The following ZFYVE26 variants were observed in gnomAD, a reference collection of about 807,000 sequenced individuals.
The protein encoded by ZFYVE26 is zinc finger FYVE-type containing 26.
Under a neutral mutation model 276.5 loss-of-function variants are expected in ZFYVE26, and 181 were observed. That is an observed-to-expected ratio of 0.65 (90% CI 0.58 to 0.74). The LOEUF is 0.74. Among genes scored for constraint, ZFYVE26 ranks in the 30% least tolerant of loss-of-function variants. The probability of loss-of-function intolerance (pLI) is 0.00; values close to 1 mark genes in which losing one functional copy is unlikely to be tolerated. For synonymous variants in ZFYVE26, 1,129 were observed against 1,203.1 expected, an observed-to-expected ratio of 0.94 and a Z score of 1.27; for missense variants, 2,821 against 3,097.9, an observed-to-expected ratio of 0.91 and a Z score of 2.12.
intron 14 of ZFYVE26, among the ~76,000 whole-genome samples, chr14:67,793,211 C>T (rs1239238274): frequency 6.6e-5 from 10 of 152,186 alleles, no homozygotes; most frequent in South Asian, 2.1e-4. Context: ...GAGCAGAAAT[C>T]GTGCCACAGC....
At position 67,805,444 on chromosome 14, in the gene ZFYVE26, T is replaced by C; in HGVS notation, c.1182+10A>G. ...TTCCAGAGCAGCCTGGGATGCTGAG[T>C]GAGAGTTACCTGGGTCCTGTGCAGG... is the stretch of plus-strand genomic sequence containing the variant. On this transcript the variant is annotated intron_variant, in intron 7 of 41. Transcript: ENST00000347230. 6.2e-7 allele frequency: 1 copy of C among 1,614,040 alleles called. No homozygotes were observed. The highest frequency in any genetic ancestry group is 8.5e-7 in the Non-Finnish European group (1 of 1,180,014).
chr14:67,739,158 T>C (rs941710318), intron 13 of ZFYVE26, among the ~76,000 whole-genome samples: 2 of 152,218 alleles, frequency 1.3e-5, no homozygotes, highest in African/African-American at 2.4e-5. Flanking sequence ...GGCTTCCTCA[T>C]TGGTTAAAAC....
intron 35 of ZFYVE26, among the ~76,000 whole-genome samples, chr14:67,756,919 A>G (rs1286048189): frequency 6.6e-6 from 1 of 152,078 alleles, no homozygotes; most frequent in African/African-American, 2.4e-5. Context: ...CTACAACTAC[A>G]TTCCTGCTTG....
rs150637611 is a variant in ZFYVE26 at position 67,783,179 on chromosome 14, G to A, written c.3973C>T (p.Pro1325Ser). 5.0e-5 allele frequency: 81 copies of A among 1,609,952 alleles called. 2 individuals are homozygous for A. The highest frequency in any genetic ancestry group is 5.0e-4 in the Middle Eastern group (3 of 6,058). The change falls in exon 21 of 42, where the codon CCG becomes TCG. Residue 1325 changes from proline to serine, a missense_variant. By Grantham distance (74) the Pro-to-Ser change is moderately conservative (BLOSUM62 -1). Coordinates refer to ENST00000347230, the MANE Select transcript of ZFYVE26 (RefSeq NM_015346.4). ...LATVACLGASPRLKVSKPSLS... is the reference protein window; with the variant it reads ...LATVACLGASSRLKVSKPSLS... ...CTGGGTTTGCTGACCTTTAACCTCG[G>A]GGAAGCCCCCAGGCAGGCCACCGTA...
Position 67,752,440 on chromosome 14 carries a change from C to T in ZFYVE26, c.7275G>A (p.Leu2425=), listed in dbSNP as rs1371544581. The T allele has an allele frequency of 2.5e-6, 4 of 1,614,056 alleles. No homozygotes were observed. Among genetic ancestry groups the T allele is most frequent in the South Asian group, 2.2e-5 (2 of 91,016 alleles). The change falls in exon 40 of 42, where the codon CTG becomes CTA. Residue 2425 remains leucine, a synonymous_variant. Transcript: ENST00000347230. ...EKEKYSEIQQ[L]LKCVSESGMA... ...TGCCTGACTCACTGACACATTTGAG[C>T]AGTTGCTGGATCTCACTGTACTTCT...
chr14:67,778,803 G>A (rs910686743), intron 23 of ZFYVE26, among the ~76,000 whole-genome samples: 6 of 150,514 alleles, frequency 4.0e-5, no homozygotes, highest in African/African-American at 1.2e-4. Flanking sequence ...TTCCCACATG[G>A]TGGTGTCTGG....
chr14:67,783,475 A>T lies in ZFYVE26; in HGVS notation c.3677T>A (p.Val1226Asp), dbSNP rs1174123416. Residue 1226 changes from valine (V) to aspartate (D), a missense_variant, in exon 21 of 42, where the codon GTC becomes GAC. Transcript: ENST00000347230. ...GGGCTCACAGCAGCAGCTGACGATGACCTGTGGCACACTTAGGCTGAGATT... is the reference window on the plus strand; with the variant it reads ...GGGCTCACAGCAGCAGCTGACGATGTCCTGTGGCACACTTAGGCTGAGATT... ...QENLSLSVPQ[V>D]IVSCCCEPLA... 1.2e-6 allele frequency: 2 copies of T among 1,613,854 alleles called. No individual in the cohort carries two copies. The highest frequency in any genetic ancestry group is 2.2e-5 in the South Asian group (2 of 91,080).
rs777612795 is a variant in ZFYVE26 at position 67,762,383 on chromosome 14, G to T, written c.6189C>A (p.Thr2063=). 6.2e-7 allele frequency: 1 copy of T among 1,614,086 alleles called. No individual in the cohort carries two copies. The highest frequency in any genetic ancestry group is 2.2e-5 in the East Asian group (1 of 44,886). ...EVSTKTGLDT[T]GAWHAWGMAC... ...CCATGCCCCAAGCATGCCACGCCCCGGTGGTATCAAGCCCAGTCTTTGTGG... is the reference window on the plus strand; with the variant it reads ...CCATGCCCCAAGCATGCCACGCCCCTGTGGTATCAAGCCCAGTCTTTGTGG... The change falls in exon 34 of 42, where the codon ACC becomes ACA. Residue 2063 remains threonine (T), a synonymous_variant. Transcript: ENST00000347230.
Position 67,789,579 on chromosome 14 carries a change from G to A in ZFYVE26, c.2775C>T (p.Ile925=). 1.2e-6 allele frequency: 2 copies of A among 1,614,156 alleles called. No homozygotes were observed. The highest frequency in any genetic ancestry group is 1.7e-6 in the Non-Finnish European group (2 of 1,180,034). ...AAAAGMVFYS[I]SDVTDKLLNT... Reference sequence around the variant, plus strand: ...TGAGCAGCTTGTCAGTCACGTCAGAGATAGAGTAAAACACCATTCCTGGCC... The same window carrying A: ...TGAGCAGCTTGTCAGTCACGTCAGAAATAGAGTAAAACACCATTCCTGGCC... Residue 925 remains isoleucine (I), a synonymous_variant, in exon 16 of 42, where the codon ATC becomes ATT. Transcript: ENST00000347230.
intron 10 of ZFYVE26, chr14:67,798,955 G>T: frequency 8.8e-7 from 1 of 1,131,456 alleles, no homozygotes. Flanking sequence ...TTCTCGCGCC[G>T]CGGTTTCGGT....
chr14:67,800,783 C>T (rs545588131), intron 10 of ZFYVE26, among the ~76,000 whole-genome samples: 11 of 151,914 alleles, frequency 7.2e-5, no homozygotes, highest in African/African-American at 2.2e-4. Context: ...AAGGTAAAGT[C>T]GACACATTTT....
intron 32 of ZFYVE26, among the ~76,000 whole-genome samples, chr14:67,764,353 T>C (rs2039004885): frequency 6.6e-6 from 1 of 152,150 alleles, no homozygotes; most frequent in South Asian, 2.1e-4. Flanking sequence ...TTTTGCATAT[T>C]TGGGAAATGA....
chr14:67,778,310 C>G, intron 23 of ZFYVE26, 62 bp from the exon 24 acceptor site: 1 of 1,609,582 alleles, frequency 6.2e-7, no homozygotes, highest in Non-Finnish European at 8.5e-7. Context: ...TCTCAGCAGT[C>G]TTGAGTCTAC....
Position 67,729,387 on chromosome 14 carries a change from G to A in ZFYVE26, n.3112C>T. On this transcript the variant is annotated non_coding_transcript_exon_variant, in exon 14 of 15. Transcript: ENST00000394455. ...TGAGTGGCAAGTACTTCAGGTGTGT[G>A]AAGGCAATGCGGTTCTCTCCACCAC... The A allele has an allele frequency of 6.3e-7, 1 of 1,597,148 alleles. No homozygotes were observed. Among genetic ancestry groups the A allele is most frequent in the Non-Finnish European group, 8.5e-7 (1 of 1,179,650 alleles).
At chr14:67,804,451 C>G (rs1299325896) in intron 8 of ZFYVE26, among the ~76,000 whole-genome samples, 187 bp from the exon 9 acceptor site, 1 of 152,196 alleles carries the variant, frequency 6.6e-6, no homozygotes, top group Admixed American at 6.5e-5. Flanking sequence ...GGAAGTACAT[C>G]TATCAAACCA....
chr14:67,764,059 C>T (rs561999649), intron 32 of ZFYVE26, among the ~76,000 whole-genome samples: 1 of 152,268 alleles, frequency 6.6e-6, no homozygotes, highest in South Asian at 2.1e-4. Flanking sequence ...GATGGGCCCT[C>T]ATTATAGCCT....
rs1349063929 is a variant in ZFYVE26, at chr14:67,790,573, T to C, written c.2754A>G (p.Ala918=). 1.2e-6 allele frequency: 2 copies of C among 1,613,336 alleles called. No homozygotes were observed. Among genetic ancestry groups the C allele is most frequent in the South Asian group, 1.1e-5 (1 of 91,046 alleles). ...TLQAIGSAAA[A]GMVFYSISDV... is the part of the protein sequence containing the mutation. ...ATGGTGTTAGCAGGGAAGCCTGACC[T>C]GCTGCTGCAGCGCTGCCAATGGCCT... Residue 918 remains alanine (A), a splice_region_variant and synonymous_variant, in exon 15 of 42, where the codon GCA becomes GCG. Coordinates refer to ENST00000347230, the MANE Select transcript of ZFYVE26 (RefSeq NM_015346.4).
chr14:67,775,608 A>G lies in ZFYVE26; in HGVS notation c.5221+252T>C, dbSNP rs148603611. 3.4e-3 allele frequency among the ~76,000 whole-genome samples: 514 copies of G among 152,324 alleles called. 1 individual carries two copies. Among genetic ancestry groups the G allele is most frequent in the Admixed American group, 7.2e-3 (110 of 15,290 alleles). On this transcript the variant is annotated intron_variant, in intron 26 of 41. Transcript: ENST00000347230. ...AGGCCAGACAGAGACCATTTCCAGCATATTTTGCTTTCCAAACCTTTATGT... is the reference window on the plus strand; with the variant it reads ...AGGCCAGACAGAGACCATTTCCAGCGTATTTTGCTTTCCAAACCTTTATGT...
Position 67,769,742 on chromosome 14 carries a change from C to T in ZFYVE26, c.5485-12G>A, listed in dbSNP as rs2039156319. ...TGACGCCTGTTAAACTGAGGAATGC[C>T]ATCAGGAGGAGAAGAAAGAGGGAGG... On this transcript the variant is annotated splice_polypyrimidine_tract_variant and intron_variant, in intron 28 of 41. Transcript: ENST00000347230. 1 of 1,613,836 alleles carries T rather than the reference C, an allele frequency of 6.2e-7. No homozygotes were observed. The highest frequency in any genetic ancestry group is 8.5e-7 in the Non-Finnish European group (1 of 1,180,006).
Sources: allele counts gnomAD v4.1 joint callset (sites outside exome capture counted in the v4.1 genomes callset), GRCh38; gene constraint gnomAD v4.1.1; transcripts MANE v1.5; gene names NCBI Gene and HGNC (gene_info 2026-07-23, HGNC 2026-07-21).